Variants in TP53BP1 observed in about 807,000 individuals in gnomAD.
TP53BP1 encodes the protein TP53-binding protein 1.
In TP53BP1, 61 loss-of-function variants were observed where a neutral mutation model predicts 200.8. The ratio of observed to expected loss-of-function variants is 0.30; its 90% confidence interval spans 0.25 to 0.38. The LOEUF (loss-of-function observed/expected upper bound fraction) is 0.38. TP53BP1 is among the 10% of genes least tolerant of loss of function. The pLI, the probability that TP53BP1 is intolerant of heterozygous loss-of-function variation, is 1.00. For synonymous variants in TP53BP1, 822 were observed against 844.3 expected, an observed-to-expected ratio of 0.97 and a Z score of 0.46; for missense variants, 2,144 against 2,371.9, an observed-to-expected ratio of 0.90 and a Z score of 2.00.
rs146179448 is a variant in TP53BP1 at position 43,433,262 on chromosome 15, T to C, written c.3192-585A>G. 2.5e-3 allele frequency among the ~76,000 whole-genome samples: 377 copies of C among 152,302 alleles called. 2 individuals carry two copies. The highest frequency in any genetic ancestry group is 8.4e-3 in the African/African-American group (351 of 41,552). ...CTACAACTAAACATTTCAGAATGAATTGGTTTCTCAAAGACAGTTCTTAAG... is the reference window on the plus strand; with the variant it reads ...CTACAACTAAACATTTCAGAATGAACTGGTTTCTCAAAGACAGTTCTTAAG... On this transcript the variant is annotated intron_variant, in intron 16 of 27. Coordinates refer to ENST00000382044, the MANE Select transcript of TP53BP1 (RefSeq NM_001141980.3).
chr15:43,503,206 GAACAT>G (rs2079219132), intron 1 of TP53BP1, among the ~76,000 whole-genome samples: 1 of 152,240 alleles, frequency 6.6e-6, no homozygotes, highest in Non-Finnish European at 1.5e-5. Flanking sequence ...ATCAAATATA[GAACAT>G]ATCAATCACC....
Position 43,405,295 on chromosome 15 carries a change from C to T in TP53BP1, c.*2088G>A. On this transcript the variant is annotated 3_prime_UTR_variant, in exon 28 of 28. Coordinates refer to ENST00000382044, the MANE Select transcript of TP53BP1 (RefSeq NM_001141980.3). ...GATTCAAAACATCCCATTCTAGCCACACACAAATAAATATCTGCGGCTTAG... is the reference window on the plus strand; with the variant it reads ...GATTCAAAACATCCCATTCTAGCCATACACAAATAAATATCTGCGGCTTAG... The T allele has an allele frequency of 6.6e-7, 1 of 1,506,408 alleles. No individual in the cohort carries two copies. Among genetic ancestry groups the T allele is most frequent in the East Asian group, 2.3e-5 (1 of 44,276 alleles). The allele number at this position is 1,506,408 out of a possible 1,614,324, so 93.3% of individuals were successfully genotyped here. A position where few individuals can be genotyped will look rare whatever the true frequency, so the allele number is the denominator to read the frequency against.
rs1459403839 is a variant in TP53BP1 at position 43,404,799 on chromosome 15, A to G, written c.*2584T>C. On this transcript the variant is annotated 3_prime_UTR_variant, in exon 28 of 28. Coordinates refer to ENST00000382044, the MANE Select transcript of TP53BP1 (RefSeq NM_001141980.3). ...TGTTAAGTCCTTTGCTAGGTTATGTATTGCTATGCTGGGAGGCAGTGGGCC... is the reference window on the plus strand; with the variant it reads ...TGTTAAGTCCTTTGCTAGGTTATGTGTTGCTATGCTGGGAGGCAGTGGGCC... The G allele has an allele frequency of 1.4e-5, 7 of 516,878 alleles. No individual in the cohort carries two copies. Among genetic ancestry groups the G allele is most frequent in the Middle Eastern group, 5.2e-4 (1 of 1,926 alleles). The allele number at this position is 516,878 out of a possible 1,614,324, so 32.0% of individuals were successfully genotyped here.
At chr15:43,455,716 G>T (rs1452040325) in intron 12 of TP53BP1, among the ~76,000 whole-genome samples, 176 bp downstream of exon 12, 1 of 149,512 alleles carries the variant, frequency 6.7e-6, no homozygotes, top group Non-Finnish European at 1.5e-5. Flanking sequence ...GCGGGACTCT[G>T]TCTCAAAAAA....
At chr15:43,439,008 A>G (rs1247636058) in intron 15 of TP53BP1, among the ~76,000 whole-genome samples, 1 of 152,200 alleles carries the variant, frequency 6.6e-6, no homozygotes, top group African/African-American at 2.4e-5. Context: ...TTCAGATAAA[A>G]TTATATAATG....
At chr15:43,488,359 T>C (rs1433304786) in intron 4 of TP53BP1, among the ~76,000 whole-genome samples, 1 of 151,640 alleles carries the variant, frequency 6.6e-6, no homozygotes, top group Non-Finnish European at 1.5e-5. Flanking sequence ...TTATATAGTA[T>C]TTTGAAATGA....
In TP53BP1 at chr15:43,428,085, T is replaced by G; in HGVS notation, c.3759A>C (p.Thr1253=). The change falls in exon 18 of 28, where the codon ACA becomes ACC. Residue 1253 remains threonine (T), a synonymous_variant. Transcript: ENST00000382044. ...RHMRTIREVR[T]LVTRVITDVY... is the part of the protein sequence containing the mutation. ...CATCTGTAATGACACGAGTGACAAG[T>G]GTGCGTACTTCCCGGATTGTTCTCA... The G allele has an allele frequency of 1.2e-6, 2 of 1,613,266 alleles. No individual in the cohort carries two copies. The highest frequency in any genetic ancestry group is 1.7e-6 in the Non-Finnish European group (2 of 1,179,222).
Position 43,404,919 on chromosome 15 carries a change from C to T in TP53BP1, c.*2464G>A, listed in dbSNP as rs2044813924. On this transcript the variant is annotated 3_prime_UTR_variant, in exon 28 of 28. Transcript: ENST00000382044. ...CCGCATCTGTGAAAGGAGGCGACCA[C>T]CCCTTCTAACTCTAAACTTTAAAAA... is the stretch of plus-strand genomic sequence containing the variant. 1 of 514,348 alleles carries T rather than the reference C, an allele frequency of 1.9e-6. No individual in the cohort carries two copies. The highest frequency in any genetic ancestry group is 3.4e-6 in the Non-Finnish European group (1 of 291,704). The allele number at this position is 514,348 out of a possible 1,614,324, so 31.9% of individuals were successfully genotyped here.
chr15:43,480,977 C>G lies in TP53BP1; in HGVS notation c.417G>C (p.Glu139Asp). The change falls in exon 5 of 28, where the codon GAG becomes GAC. Residue 139 changes from glutamate (E) to aspartate (D), a missense_variant. Glu to Asp is a conservative substitution (Grantham distance 45). Transcript: ENST00000382044. ...SVESAPAVEE[E>D]KGEELEQKEK... ...CCTTCTGTTCCAACTCTTCTCCCTT[C>G]TCTTCCTCCACAGCAGGAGCAGATT... The G allele has an allele frequency of 1.9e-6, 3 of 1,614,070 alleles. No individual in the cohort carries two copies. Among genetic ancestry groups the G allele is most frequent in the Non-Finnish European group, 2.5e-6 (3 of 1,179,952 alleles).
rs779088744 is a variant in TP53BP1 at position 43,462,216 on chromosome 15, C to CAAAAAAAAA, written c.1390-5007_1390-4999dup. 2.9e-4 allele frequency among the ~76,000 whole-genome samples: 10 copies of CAAAAAAAAA among 34,096 alleles called. 2 individuals carry two copies. The highest frequency in any genetic ancestry group is 5.6e-4 in the Non-Finnish European group (9 of 16,140). 22.4% of individuals were successfully genotyped at this position (34,096 alleles called of 152,430 possible). A position where few individuals can be genotyped will look rare whatever the true frequency, so the allele number is the denominator to read the frequency against. On this transcript the variant is annotated intron_variant, in intron 11 of 27. Coordinates refer to ENST00000382044, the MANE Select transcript of TP53BP1 (RefSeq NM_001141980.3). The stretch of plus-strand genomic sequence containing the variant: ...ACACGTGGAGAGCGAGACTTCATCT[C>CAAAAAAAAA]AAAAAAAAAAAAAAAAAAAAAAAAA...
intron 21 of TP53BP1, 164 bp from the exon 22 acceptor site, chr15:43,416,580 C>T: frequency 1.7e-6 from 1 of 584,972 alleles, no homozygotes; most frequent in Non-Finnish European, 3.0e-6. Context: ...CAAACAGTAA[C>T]ACTTAGGATA....
Position 43,407,151 on chromosome 15 carries a change from A to C in TP53BP1, c.*232T>G. ...ATAAGCCTGTTGAAAGACTCAGAGA[A>C]AGTACTATGTCTTGTCATTTGTTCT... On this transcript the variant is annotated 3_prime_UTR_variant, in exon 28 of 28. Transcript: ENST00000382044. 1 of 476,836 alleles carries C rather than the reference A, an allele frequency of 2.1e-6. No homozygotes were observed. Among genetic ancestry groups the C allele is most frequent in the East Asian group, 3.5e-5 (1 of 28,788 alleles). 29.5% of individuals were successfully genotyped at this position (476,836 alleles called of 1,614,324 possible). A position where few individuals can be genotyped will look rare whatever the true frequency, so the allele number is the denominator to read the frequency against.
chr15:43,416,150 A>C, intron 22 of TP53BP1, 75 bp downstream of exon 22: 1 of 1,334,320 alleles, frequency 7.5e-7, no homozygotes, highest in Non-Finnish European at 1.0e-6. Context: ...AACATTACTG[A>C]CAGGTCCAGA....
At chr15:43,433,497 T>A in intron 16 of TP53BP1, among the ~76,000 whole-genome samples, 1 of 152,244 alleles carries the variant, frequency 6.6e-6, no homozygotes. Flanking sequence ...TCATGTCTTA[T>A]CTATCTTTAT....
intron 4 of TP53BP1, among the ~76,000 whole-genome samples, chr15:43,484,962 C>T (rs2079025610): frequency 6.6e-6 from 1 of 151,956 alleles, no homozygotes; most frequent in African/African-American, 2.4e-5. Context: ...GTTGTCCAGG[C>T]TGCTCTCAAA....
At chr15:43,485,278 C>T (rs905104824) in intron 4 of TP53BP1, among the ~76,000 whole-genome samples, 2 of 152,114 alleles carry the variant, frequency 1.3e-5, no homozygotes, top group African/African-American at 2.4e-5. Context: ...ACAGAAAATA[C>T]TCAATAGAAG....
intron 12 of TP53BP1, among the ~76,000 whole-genome samples, chr15:43,451,584 T>C (rs980443274): frequency 2.2e-4 from 33 of 152,340 alleles, no homozygotes; most frequent in African/African-American, 6.5e-4. Context: ...CAGTCTATCA[T>C]TGTTGGACAT....
chr15:43,492,157 T>C, intron 2 of TP53BP1, 62 bp from the exon 3 acceptor site: 1 of 1,507,656 alleles, frequency 6.6e-7, no homozygotes, highest in Non-Finnish European at 9.2e-7. Flanking sequence ...TGAAACCTAC[T>C]ATTTGTGAAC....
At position 43,442,815 on chromosome 15, in the gene TP53BP1, CTTTTTTTTT is replaced by C. The variant is rs71111818; in HGVS notation, c.3041-1241_3041-1233del. Among the ~76,000 whole-genome samples, 12 of 61,034 alleles carry C rather than the reference CTTTTTTTTT, an allele frequency of 2.0e-4. No homozygotes were observed. In the South Asian group the frequency reaches 2.7e-3, roughly 14 times the overall value. 40.0% of individuals were successfully genotyped at this position (61,034 alleles called of 152,430 possible). On this transcript the variant is annotated intron_variant, in intron 14 of 27. Coordinates refer to ENST00000382044, the MANE Select transcript of TP53BP1 (RefSeq NM_001141980.3). ...ACACCTAGCCCTTAGCAGTAATATT[CTTTTTTTTT>C]TTTTTTTTTTTTTTTTTTGGAGACA...
Sources: gnomAD v4.1 joint callset for allele counts (sites outside exome capture counted in the v4.1 genomes callset) on GRCh38, gnomAD v4.1.1 for gene constraint, MANE v1.5 for transcripts, NCBI Gene and HGNC (gene_info 2026-07-23, HGNC 2026-07-21) for gene names.